The following ITGBL1 variants were observed in gnomAD, a reference collection of about 807,000 sequenced individuals.
The protein encoded by ITGBL1 is integrin subunit beta like 1, also known as integrin beta-like protein 1.
A neutral mutation model predicts 68.5 loss-of-function variants in ITGBL1; 51 were observed. That is an observed-to-expected ratio of 0.74 (90% CI 0.59 to 0.94). The LOEUF is 0.94. Ranked by LOEUF, ITGBL1 falls within the 40% of genes least tolerant of loss-of-function variation. The pLI is 0.00. For synonymous variants in ITGBL1, 209 were observed against 227.3 expected (o/e 0.92, Z 0.72); for missense variants, 649 against 647.4 (o/e 1.00, Z -0.03).
At chr13:101,506,454 C>G (rs2049028534) in intron 2 of ITGBL1, among the ~76,000 whole-genome samples, 1 of 152,140 alleles carries the variant, frequency 6.6e-6, no homozygotes, top group Non-Finnish European at 1.5e-5. Flanking sequence ...CATAGCGACT[C>G]TGAAAGACCA....
At chr13:101,585,274 C>T (rs1446983820) in intron 6 of ITGBL1, among the ~76,000 whole-genome samples, 2 of 152,140 alleles carry the variant, frequency 1.3e-5, no homozygotes, top group Non-Finnish European at 2.9e-5. Context: ...TTCTAGACAT[C>T]TCCAGCATAG....
At position 101,456,692 on chromosome 13, in the gene ITGBL1, A is replaced by G. The variant is rs114708505; in HGVS notation, c.316+2592A>G. On this transcript the variant is annotated intron_variant, in intron 2 of 10. Transcript: ENST00000376180. Reference sequence around the variant, plus strand: ...CACTTTGGAAGCCTGAAGCAGGTGGATTACCTGAGGTCAGGATTCAAGACT... The same window carrying G: ...CACTTTGGAAGCCTGAAGCAGGTGGGTTACCTGAGGTCAGGATTCAAGACT... Among the ~76,000 whole-genome samples, 691 of 152,234 alleles carry G rather than the reference A, an allele frequency of 4.5e-3. 5 individuals carry two copies. Among genetic ancestry groups the G allele is most frequent in the African/African-American group, 0.016 (671 of 41,538 alleles).
At chr13:101,455,319 G>A (rs904533881) in intron 2 of ITGBL1, among the ~76,000 whole-genome samples, 2 of 152,158 alleles carry the variant, frequency 1.3e-5, no homozygotes, top group Admixed American at 6.5e-5. Context: ...TTGGAGGGGC[G>A]CAGGTGCATC....
intron 2 of ITGBL1, among the ~76,000 whole-genome samples, chr13:101,502,783 C>A (rs1254645994): frequency 6.6e-6 from 1 of 152,098 alleles, no homozygotes; most frequent in East Asian, 1.9e-4. Context: ...ATGCCAGAGG[C>A]CCTTTTCCCC....
chr13:101,637,019 A>G (rs1271449691), intron 7 of ITGBL1, among the ~76,000 whole-genome samples: 1 of 152,156 alleles, frequency 6.6e-6, no homozygotes, highest in Non-Finnish European at 1.5e-5. Flanking sequence ...AATTGACTAC[A>G]TCTAGAAAAT....
intron 7 of ITGBL1, among the ~76,000 whole-genome samples, chr13:101,665,778 G>T (rs1182106541): frequency 1.3e-5 from 2 of 152,074 alleles, no homozygotes; most frequent in Non-Finnish European, 2.9e-5. Flanking sequence ...GGAATATGAA[G>T]GGAGGGTTCT....
rs192276417 is a variant in ITGBL1, at chr13:101,596,205, C to T, written c.869-1948C>T. Among the ~76,000 whole-genome samples, 439 of 152,142 alleles carry T rather than the reference C, an allele frequency of 2.9e-3. 4 individuals carry two copies. The highest frequency in any genetic ancestry group is 9.9e-3 in the African/African-American group (412 of 41,528). On this transcript the variant is annotated intron_variant, in intron 6 of 10. Transcript: ENST00000376180. ...CAGACATAGACAAAAAAACACTGCACGATCTCACTCATATGTGGAATCTAA... is the reference window on the plus strand; with the variant it reads ...CAGACATAGACAAAAAAACACTGCATGATCTCACTCATATGTGGAATCTAA...
intron 3 of ITGBL1, among the ~76,000 whole-genome samples, chr13:101,569,071 C>CACACA (rs4000935): frequency 7.2e-6 from 1 of 139,848 alleles, no homozygotes; most frequent in Non-Finnish European, 1.6e-5. Context: ...CACACACACA[C>CACACA]TTCTCTACTT....
intron 2 of ITGBL1, among the ~76,000 whole-genome samples, chr13:101,542,523 G>T (rs1478278136): frequency 6.6e-6 from 1 of 152,152 alleles, no homozygotes. Context: ...TGAGAATAAT[G>T]TATATTCTGT....
chr13:101,566,778 T>C (rs2050189499), intron 2 of ITGBL1, among the ~76,000 whole-genome samples: 2 of 152,166 alleles, frequency 1.3e-5, no homozygotes, highest in Admixed American at 1.3e-4. Context: ...ACTCTTCCTG[T>C]AACCCATTCA....
rs116000800 is a variant in ITGBL1, at chr13:101,521,283, C to T, written c.317-46416C>T. ...GGGACATAGCAACAGATACAACTGA[C>T]GAAAATCTCTGCTTACATGCATCTT... is the stretch of plus-strand genomic sequence containing the variant. On this transcript the variant is annotated intron_variant, in intron 2 of 10. Transcript: ENST00000376180. Among the ~76,000 whole-genome samples the T allele has an allele frequency of 7.3e-3, 1,114 of 152,130 alleles. 14 individuals are homozygous for T. The highest frequency in any genetic ancestry group is 0.024 in the African/African-American group (996 of 41,492).
At chr13:101,553,220 C>T (rs1181338700) in intron 2 of ITGBL1, among the ~76,000 whole-genome samples, 1 of 152,134 alleles carries the variant, frequency 6.6e-6, no homozygotes, top group East Asian at 1.9e-4. Context: ...CCTTTAGACA[C>T]ATGTTAGCAA....
intron 3 of ITGBL1, among the ~76,000 whole-genome samples, chr13:101,574,615 A>G (rs1294346040): frequency 6.6e-6 from 1 of 152,122 alleles, no homozygotes; most frequent in Admixed American, 6.6e-5. Flanking sequence ...GATGGCTGTG[A>G]TGAGCATTAA....
rs2034697243 is a variant in ITGBL1 at position 101,715,839 on chromosome 13, A to G, written c.*185A>G. 1 of 468,296 alleles carries G rather than the reference A, an allele frequency of 2.1e-6. No homozygotes were observed. Among genetic ancestry groups the G allele is most frequent in the African/African-American group, 2.0e-5 (1 of 50,332 alleles). 29.0% of individuals were successfully genotyped at this position (468,296 alleles called of 1,614,324 possible). ...ATGAGTTATGCAAATTTAGATGCAA[A>G]TAACATTAGAAAAAAAAGATTCTTC... On this transcript the variant is annotated 3_prime_UTR_variant, in exon 11 of 11. Transcript: ENST00000376180.
intron 2 of ITGBL1, among the ~76,000 whole-genome samples, chr13:101,519,515 G>GAC (rs2049249796): frequency 6.6e-6 from 1 of 151,862 alleles, no homozygotes; most frequent in East Asian, 1.9e-4. Context: ...CTTCCTGCCT[G>GAC]TCTGCCTGCC....
At chr13:101,554,795 C>T (rs1318869146) in intron 2 of ITGBL1, among the ~76,000 whole-genome samples, 1 of 152,182 alleles carries the variant, frequency 6.6e-6, no homozygotes, top group Non-Finnish European at 1.5e-5. Flanking sequence ...CAATTCATAG[C>T]TTTTCTATGC....
intron 2 of ITGBL1, among the ~76,000 whole-genome samples, chr13:101,530,475 G>C (rs890994868): frequency 5.3e-5 from 8 of 152,068 alleles, no homozygotes; most frequent in Non-Finnish European, 5.9e-5. Flanking sequence ...TGCTTAGATG[G>C]TTCTCCCTTA....
intron 2 of ITGBL1, among the ~76,000 whole-genome samples, chr13:101,473,083 A>G (rs1239609919): frequency 6.6e-6 from 1 of 152,170 alleles, no homozygotes; most frequent in African/African-American, 2.4e-5. Context: ...GATTCTTGAG[A>G]GGGAAGTGGA....
chr13:101,497,171 G>C (rs1380116196), intron 2 of ITGBL1, among the ~76,000 whole-genome samples: 1 of 152,176 alleles, frequency 6.6e-6, no homozygotes, highest in East Asian at 1.9e-4. Context: ...TAGCCTTCTG[G>C]CTCTGTAAGT....
Sources: allele counts gnomAD v4.1 joint callset (sites outside exome capture counted in the v4.1 genomes callset), GRCh38; gene constraint gnomAD v4.1.1; transcripts MANE v1.5; gene names NCBI Gene and HGNC (gene_info 2026-07-23, HGNC 2026-07-21).